Variants in INA observed in about 807,000 individuals in gnomAD.
INA encodes the protein internexin neuronal intermediate filament protein alpha, also known as alpha-internexin.
In INA, 35 loss-of-function variants were observed where a neutral mutation model predicts 40.1. The ratio of observed to expected loss-of-function variants is 0.87; its 90% CI spans 0.67 to 1.16. INA has a LOEUF of 1.16. INA is among the 50% of genes most tolerant of loss of function. INA has a pLI of 0.00. For missense variants in INA, 594 were observed against 686.7 expected (o/e 0.87, Z 1.51); for synonymous variants, 290 against 316.9 (o/e 0.92, Z 0.90).
chr10:103,277,942 C>A lies in INA; in HGVS notation c.731C>A (p.Ala244Glu). ...GCCGAGCTGCTGGCCACGCTGCAGG[C>A]GTCGTCGCAGGCCGCGGCCGAGGTG... ...EVAELLATLQASSQAAAEVDV... is the reference protein window; with the variant it reads ...EVAELLATLQESSQAAAEVDV... The change falls in exon 1 of 3, where the codon GCG becomes GAG. Residue 244 changes from alanine (A) to glutamate (E), a missense_variant. Physicochemically the swap from Ala to Glu is moderately radical, Grantham distance 107 (BLOSUM62 -1). This residue lies in a region of INA where 379 missense variants were observed against 496.1 expected (regional missense o/e 0.76). Coordinates refer to ENST00000369849, the MANE Select transcript of INA (RefSeq NM_032727.4). The surrounding 1 kb of genome is among the most constrained non-coding windows in gnomAD (Gnocchi z 5.6). The A allele has an allele frequency of 6.4e-7, 1 of 1,556,386 alleles. No individual in the cohort carries two copies. Among genetic ancestry groups the A allele is most frequent in the East Asian group, 2.4e-5 (1 of 41,240 alleles).
chr10:103,277,319 C>T lies in INA; in HGVS notation c.108C>T (p.Gly36=). The T allele has an allele frequency of 6.3e-7, 1 of 1,585,006 alleles. No homozygotes were observed. The highest frequency in any genetic ancestry group is 8.5e-7 in the Non-Finnish European group (1 of 1,170,974). ...GCCTCTCTGGGGCCGGCGGCGCGGG[C>T]GGCTTCCGCTCGCAGTCGCTGTCCC... The part of the protein sequence containing the change: ...SARLSGAGGA[G]GFRSQSLSRS... The change falls in exon 1 of 3, where the codon GGC becomes GGT. Residue 36 remains glycine, a synonymous_variant. Transcript: ENST00000369849. The surrounding 1 kb of genome is among the most constrained non-coding windows in gnomAD (Gnocchi z 5.6).
chr10:103,281,875 T>G (rs1306303390), intron 1 of INA, among the ~76,000 whole-genome samples: 3 of 152,216 alleles, frequency 2.0e-5, no homozygotes, highest in Admixed American at 2.0e-4. Context: ...AGCGTTTGTC[T>G]TAGCTCCTCC....
In INA at chr10:103,278,550, A is replaced by G. The variant is rs1407065898; in HGVS notation, c.1065+274A>G. On this transcript the variant is annotated intron_variant, in intron 1 of 2. Transcript: ENST00000369849. This position sits in a 1 kb window ranked among gnomAD's most constrained non-coding sequence, Gnocchi z 4.9. Reference sequence around the variant, plus strand: ...AACCCAACTCTGCCTGTCTGTCAGCAAGCGGGCCTACACACACCGGCGACC... The same window carrying G: ...AACCCAACTCTGCCTGTCTGTCAGCGAGCGGGCCTACACACACCGGCGACC... Among the ~76,000 whole-genome samples the G allele has an allele frequency of 6.6e-6, 1 of 152,250 alleles. No homozygotes were observed. Among genetic ancestry groups the G allele is most frequent in the African/African-American group, 2.4e-5 (1 of 41,476 alleles).
In INA at chr10:103,278,553, C is replaced by T. The variant is rs937290089; in HGVS notation, c.1065+277C>T. 7.9e-5 allele frequency among the ~76,000 whole-genome samples: 12 copies of T among 152,168 alleles called. No individual in the cohort carries two copies. The highest frequency in any genetic ancestry group is 5.9e-5 in the Non-Finnish European group (4 of 68,026). On this transcript the variant is annotated intron_variant, in intron 1 of 2. Transcript: ENST00000369849. This position sits in a 1 kb window ranked among gnomAD's most constrained non-coding sequence, Gnocchi z 4.9. ...CCAACTCTGCCTGTCTGTCAGCAAGCGGGCCTACACACACCGGCGACCCGG... is the reference window on the plus strand; with the variant it reads ...CCAACTCTGCCTGTCTGTCAGCAAGTGGGCCTACACACACCGGCGACCCGG...
intron 1 of INA, among the ~76,000 whole-genome samples, chr10:103,286,063 C>T (rs2133537457): frequency 6.6e-6 from 1 of 152,006 alleles, no homozygotes; most frequent in East Asian, 1.9e-4. Context: ...CATGGTGGCT[C>T]ATACATGTAA....
Position 103,277,352 on chromosome 10 carries a change from T to G in INA, c.141T>G (p.Asn47Lys), listed in dbSNP as rs1199456906. 6.3e-7 allele frequency: 1 copy of G among 1,577,522 alleles called. No homozygotes were observed. The highest frequency in any genetic ancestry group is 8.6e-7 in the Non-Finnish European group (1 of 1,168,314). ...GCTCGCAGTCGCTGTCCCGCAGCAA[T>G]GTGGCCTCCTCGGCCGCCTGCTCCT... ...GFRSQSLSRSNVASSAACSSA... is the reference protein window; with the variant it reads ...GFRSQSLSRSKVASSAACSSA... The change falls in exon 1 of 3, where the codon AAT becomes AAG. Residue 47 changes from asparagine (N) to lysine (K), a missense_variant. Coordinates refer to ENST00000369849, the MANE Select transcript of INA (RefSeq NM_032727.4). This position sits in a 1 kb window ranked among gnomAD's most constrained non-coding sequence, Gnocchi z 5.6.
Position 103,289,590 on chromosome 10 carries a change from A to G in INA, c.*921A>G, listed in dbSNP as rs960634751. ...GACCTTAGATTTAGTAGTGTAAGCT[A>G]GAAGAAGTGAGTGTTTCTATGAGTG... On this transcript the variant is annotated 3_prime_UTR_variant, in exon 3 of 3. Transcript: ENST00000369849. 2.0e-5 allele frequency: 3 copies of G among 152,656 alleles called. No homozygotes were observed. The highest frequency in any genetic ancestry group is 2.1e-4 in the South Asian group (1 of 4,826). 9.5% of individuals were successfully genotyped at this position (152,656 alleles called of 1,614,324 possible).
Position 103,278,280 on chromosome 10 carries a change from A to T in INA, c.1065+4A>T. On this transcript the variant is annotated splice_donor_region_variant and intron_variant, in intron 1 of 2. Transcript: ENST00000369849. This position sits in a 1 kb window ranked among gnomAD's most constrained non-coding sequence, Gnocchi z 4.9. The stretch of plus-strand genomic sequence containing the variant: ...TGCCGAGGTAGCTGGCTACCAGGTA[A>T]GGGCCGGGGCTGGGCGTGGGGAGGG... 1 of 1,541,330 alleles carries T rather than the reference A, an allele frequency of 6.5e-7. No individual in the cohort carries two copies. The highest frequency in any genetic ancestry group is 1.2e-5 in the South Asian group (1 of 82,918).
At chr10:103,279,650 G>T (rs1421088729) in intron 1 of INA, among the ~76,000 whole-genome samples, 1 of 152,166 alleles carries the variant, frequency 6.6e-6, no homozygotes, top group Middle Eastern at 3.2e-3. Flanking sequence ...TGGAACATTG[G>T]TAAAATAGAA....
Position 103,288,930 on chromosome 10 carries a change from C to T in INA, c.*261C>T, listed in dbSNP as rs1470562069. 1.9e-5 allele frequency: 5 copies of T among 260,382 alleles called. 1 individual carries two copies. Among genetic ancestry groups the T allele is most frequent in the South Asian group, 9.0e-5 (1 of 11,132 alleles). The allele number at this position is 260,382 out of a possible 1,614,324, so 16.1% of individuals were successfully genotyped here. On this transcript the variant is annotated 3_prime_UTR_variant, in exon 3 of 3. Transcript: ENST00000369849. ...CCTTCAGCTCACGCTTCACAGTGAT[C>T]GATGATTCAGGTGCAGAGGAAGTAC... is the stretch of plus-strand genomic sequence containing the variant.
rs905789784 is a variant in INA at position 103,278,203 on chromosome 10, G to A, written c.992G>A (p.Gly331Glu). The stretch of plus-strand genomic sequence containing the variant: ...ACCATCGAGATCGAGGGCCTGCGCG[G>A]GGCCAACGAGTCCTTGGAGAGGCAG... Reference protein sequence around the residue: ...ARTIEIEGLRGANESLERQIL... With the variant: ...ARTIEIEGLREANESLERQIL... The change falls in exon 1 of 3, where the codon GGG becomes GAG. Residue 331 changes from glycine (G) to glutamate (E), a missense_variant. This residue lies in a region of INA where 379 missense variants were observed against 496.1 expected (regional missense o/e 0.76). Coordinates refer to ENST00000369849, the MANE Select transcript of INA (RefSeq NM_032727.4). This position sits in a 1 kb window ranked among gnomAD's most constrained non-coding sequence, Gnocchi z 4.9. The A allele has an allele frequency of 6.2e-7, 1 of 1,604,084 alleles. No homozygotes were observed. The highest frequency in any genetic ancestry group is 8.5e-7 in the Non-Finnish European group (1 of 1,176,090).
intron 1 of INA, among the ~76,000 whole-genome samples, chr10:103,281,831 G>A (rs1017037025): frequency 6.6e-6 from 1 of 152,198 alleles, no homozygotes; most frequent in Admixed American, 6.5e-5. Flanking sequence ...TCCAGCCACG[G>A]GCTGCGATGC....
At chr10:103,280,303 T>C (rs2093069890) in intron 1 of INA, 1 of 985,376 alleles carries the variant, frequency 1.0e-6, no homozygotes, top group East Asian at 1.1e-4. Context: ...AGAGAGCTGG[T>C]TCCCTACTCC....
rs764506642 is a variant in INA at position 103,288,360 on chromosome 10, G to A, written c.1191G>A (p.Arg397=). 1 of 1,588,858 alleles carries A rather than the reference G, an allele frequency of 6.3e-7. No individual in the cohort carries two copies. Among genetic ancestry groups the A allele is most frequent in the East Asian group, 2.2e-5 (1 of 44,680 alleles). The change falls in exon 3 of 3, where the codon AGG becomes AGA. Residue 397 remains arginine (R), a splice_region_variant and synonymous_variant. Coordinates refer to ENST00000369849, the MANE Select transcript of INA (RefSeq NM_032727.4). The stretch of plus-strand genomic sequence containing the variant: ...GAGTTTTTCTCTGTTGAATTTACAG[G>A]AAACTGCTGGAAGGCGAGGAGACAC... ...MALDIEIAAY[R]KLLEGEETRF... is the part of the protein sequence containing the mutation.
In INA at chr10:103,278,291, T is replaced by C; in HGVS notation, c.1065+15T>C. On this transcript the variant is annotated intron_variant, in intron 1 of 2. Transcript: ENST00000369849. This position sits in a 1 kb window ranked among gnomAD's most constrained non-coding sequence, Gnocchi z 4.9. ...CTGGCTACCAGGTAAGGGCCGGGGC[T>C]GGGCGTGGGGAGGGGTGCCCTGCCC... 6.6e-7 allele frequency: 1 copy of C among 1,520,362 alleles called. No homozygotes were observed. Among genetic ancestry groups the C allele is most frequent in the Non-Finnish European group, 8.9e-7 (1 of 1,128,320 alleles). The allele number at this position is 1,520,362 out of a possible 1,614,324, so 94.2% of individuals were successfully genotyped here. A position where few individuals can be genotyped will look rare whatever the true frequency, so the allele number is the denominator to read the frequency against.
Position 103,288,753 on chromosome 10 carries a change from C to T in INA, c.*84C>T. ...AACAGCCTATTCCTGAACTATAACACCTGCCACCACTATAAAATGTCTTCA... is the reference window on the plus strand; with the variant it reads ...AACAGCCTATTCCTGAACTATAACATCTGCCACCACTATAAAATGTCTTCA... On this transcript the variant is annotated 3_prime_UTR_variant, in exon 3 of 3. Coordinates refer to ENST00000369849, the MANE Select transcript of INA (RefSeq NM_032727.4). 6.3e-6 allele frequency: 5 copies of T among 794,140 alleles called. No homozygotes were observed. The highest frequency in any genetic ancestry group is 6.0e-6 in the Non-Finnish European group (3 of 497,264). 49.2% of individuals were successfully genotyped at this position (794,140 alleles called of 1,614,324 possible).
intron 2 of INA, 55 bp from the exon 3 acceptor site, chr10:103,288,305 T>TC: frequency 2.7e-6 from 4 of 1,473,616 alleles, no homozygotes; most frequent in Non-Finnish European, 3.7e-6. Context: ...AGGGTTGAGT[T>TC]CTGGGGGGGA....
At chr10:103,285,370 A>G (rs1319841440) in intron 1 of INA, among the ~76,000 whole-genome samples, 1 of 151,428 alleles carries the variant, frequency 6.6e-6, no homozygotes, top group Non-Finnish European at 1.5e-5. Flanking sequence ...ATCTCAGCTC[A>G]CTGCAACCTC....
At position 103,277,142 on chromosome 10, in the gene INA, T is replaced by G; in HGVS notation, c.-70T>G. On this transcript the variant is annotated 5_prime_UTR_variant, in exon 1 of 3. Coordinates refer to ENST00000369849, the MANE Select transcript of INA (RefSeq NM_032727.4). This position sits in a 1 kb window ranked among gnomAD's most constrained non-coding sequence, Gnocchi z 5.6. The stretch of plus-strand genomic sequence containing the variant: ...CCGGGCGCACCGCCCCGCCGCGCCC[T>G]GCCTGCCGCACCTCTCCTTTCTTCT... 1 of 1,468,728 alleles carries G rather than the reference T, an allele frequency of 6.8e-7. No homozygotes were observed. The highest frequency in any genetic ancestry group is 9.0e-7 in the Non-Finnish European group (1 of 1,116,604). The allele number at this position is 1,468,728 out of a possible 1,614,324, so 91.0% of individuals were successfully genotyped here.
Sources: allele counts gnomAD v4.1 joint callset (sites outside exome capture counted in the v4.1 genomes callset), GRCh38; gene constraint gnomAD v4.1.1; regional missense constraint gnomAD v4.1.1; non-coding constraint Gnocchi (gnomAD v3.1); transcripts MANE v1.5; gene names NCBI Gene and HGNC (gene_info 2026-07-23, HGNC 2026-07-21).